Variants in PPP2R5E observed in about 807,000 individuals in gnomAD.
The protein encoded by PPP2R5E is protein phosphatase 2 regulatory subunit B'epsilon.
A neutral mutation model predicts 65.3 loss-of-function variants in PPP2R5E; 4 were observed. The ratio of observed to expected loss-of-function variants is 0.06; its 90% CI spans 0.03 to 0.14. The LOEUF (loss-of-function observed/expected upper bound fraction) is 0.14, where lower values mean the gene tolerates loss of function less well. Among genes scored for constraint, PPP2R5E ranks in the 10% least tolerant of loss-of-function variants. The probability of loss-of-function intolerance (pLI) is 1.00; values close to 1 mark genes in which losing one functional copy is unlikely to be tolerated. For synonymous variants in PPP2R5E, 183 were observed against 187.4 expected (o/e 0.98, Z 0.19); for missense variants, 274 against 556.1 (o/e 0.49, Z 5.10).
rs1410684361 is a variant in PPP2R5E, at chr14:63,415,249, ATAAT to A, written c.457-21_457-18del. ...ATATACAAGCTGCAACAAACAGATT[ATAAT>A]TAATTTCAAATTATGACTCACTGAG... On this transcript the variant is annotated intron_variant, in intron 4 of 13. Coordinates refer to ENST00000337537, the MANE Select transcript of PPP2R5E (RefSeq NM_006246.5). The A allele has an allele frequency of 1.9e-6, 3 of 1,550,200 alleles. No homozygotes were observed. In the East Asian group the frequency reaches 6.8e-5, roughly 35 times the overall value.
At chr14:63,461,764 C>T (rs886236573) in intron 2 of PPP2R5E, among the ~76,000 whole-genome samples, 16 of 151,978 alleles carry the variant, frequency 1.1e-4, no homozygotes, top group African/African-American at 3.6e-4. Context: ...TACTGTACTC[C>T]ACCCTAGATA....
chr14:63,469,272 C>CA, intron 2 of PPP2R5E, among the ~76,000 whole-genome samples: 1 of 151,620 alleles, frequency 6.6e-6, no homozygotes, highest in African/African-American at 2.4e-5. Flanking sequence ...TTTTACATTA[C>CA]AAAAAAAGGT....
Position 63,373,196 on chromosome 14 carries a change from C to T in PPP2R5E, c.*2813G>A, listed in dbSNP as rs1436051968. 6.6e-6 allele frequency: 1 copy of T among 152,142 alleles called. No homozygotes were observed. The highest frequency in any genetic ancestry group is 2.4e-5 in the African/African-American group (1 of 41,428). The allele number at this position is 152,142 out of a possible 1,614,324, so 9.4% of individuals were successfully genotyped here. On this transcript the variant is annotated 3_prime_UTR_variant, in exon 14 of 14. Coordinates refer to ENST00000337537, the MANE Select transcript of PPP2R5E (RefSeq NM_006246.5). ...GACACTCTTAATCCTATCCCTGAAA[C>T]CAATATGGTAAGGATAAGGTTGGAG...
intron 11 of PPP2R5E, among the ~76,000 whole-genome samples, chr14:63,384,919 C>T (rs1304264832): frequency 6.6e-6 from 1 of 152,116 alleles, no homozygotes; most frequent in Admixed American, 6.5e-5. Context: ...TGGTCTCGAT[C>T]TCCTGACCTC....
At chr14:63,531,892 G>A (rs1277702271) in intron 2 of PPP2R5E, among the ~76,000 whole-genome samples, 1 of 151,842 alleles carries the variant, frequency 6.6e-6, no homozygotes, top group African/African-American at 2.4e-5. Flanking sequence ...GGCAGAGGTT[G>A]CACTGAGCCG....
At position 63,475,869 on chromosome 14, in the gene PPP2R5E, C is replaced by T. The variant is rs979049007; in HGVS notation, c.158-21984G>A. ...AAATATTCAGGCCCTATAATTTTAA[C>T]CCACAGGAAAGCCAAGCTAAAATGA... On this transcript the variant is annotated intron_variant, in intron 2 of 13. Coordinates refer to ENST00000337537, the MANE Select transcript of PPP2R5E (RefSeq NM_006246.5). Among the ~76,000 whole-genome samples, 32 of 152,080 alleles carry T rather than the reference C, an allele frequency of 2.1e-4. 2 individuals carry two copies. Among genetic ancestry groups the T allele is most frequent in the Non-Finnish European group, 1.0e-4 (7 of 68,018 alleles).
chr14:63,494,576 A>T (rs1424212386), intron 2 of PPP2R5E, among the ~76,000 whole-genome samples: 1 of 151,890 alleles, frequency 6.6e-6, no homozygotes, highest in Non-Finnish European at 1.5e-5. Context: ...CCAAAAAAAA[A>T]TGACAAACTT....
chr14:63,508,196 C>A (rs144399647), intron 2 of PPP2R5E: 15,437 of 985,528 alleles, frequency 0.016, 166 homozygotes, highest in Middle Eastern at 0.083. Context: ...CCTCCTCGCA[C>A]ACCTCACACA....
chr14:63,532,140 G>A (rs1893462896), intron 2 of PPP2R5E, among the ~76,000 whole-genome samples: 1 of 151,994 alleles, frequency 6.6e-6, no homozygotes, highest in Non-Finnish European at 1.5e-5. Flanking sequence ...ATAATTTTAG[G>A]CTGCTCATTG....
chr14:63,421,438 T>C (rs1164670358), intron 4 of PPP2R5E, among the ~76,000 whole-genome samples: 1 of 152,208 alleles, frequency 6.6e-6, no homozygotes, highest in Non-Finnish European at 1.5e-5. Context: ...ATAAGTGTGA[T>C]TGGAAAACAT....
intron 2 of PPP2R5E, among the ~76,000 whole-genome samples, chr14:63,502,523 C>G (rs1453380298): frequency 6.6e-6 from 1 of 151,860 alleles, no homozygotes; most frequent in Non-Finnish European, 1.5e-5. Flanking sequence ...AAAAATTAGC[C>G]AGGCATGGTG....
intron 10 of PPP2R5E, among the ~76,000 whole-genome samples, chr14:63,390,915 A>G (rs1884981835): frequency 6.6e-6 from 1 of 152,210 alleles, no homozygotes; most frequent in South Asian, 2.1e-4. Flanking sequence ...ACAACCTCAC[A>G]AAGTAGCACA....
intron 2 of PPP2R5E, among the ~76,000 whole-genome samples, chr14:63,512,339 T>C (rs1443120747): frequency 6.6e-6 from 1 of 152,116 alleles, no homozygotes; most frequent in Non-Finnish European, 1.5e-5. Flanking sequence ...TAGAGATAGA[T>C]GATGGGTGGA....
intron 5 of PPP2R5E, among the ~76,000 whole-genome samples, chr14:63,397,491 G>T (rs1254571876): frequency 4.3e-5 from 4 of 93,686 alleles, no homozygotes; most frequent in East Asian, 3.8e-4. Context: ...CATAGAGCAA[G>T]ATTCGGTCTT....
intron 4 of PPP2R5E, among the ~76,000 whole-genome samples, chr14:63,416,741 A>C (rs1476670780): frequency 6.6e-6 from 1 of 152,120 alleles, no homozygotes; most frequent in African/African-American, 2.4e-5. Flanking sequence ...TTACTTTCCA[A>C]AAGAATTGAG....
chr14:63,463,931 T>G (rs542356103), intron 2 of PPP2R5E, among the ~76,000 whole-genome samples: 2 of 152,274 alleles, frequency 1.3e-5, no homozygotes, highest in Admixed American at 6.5e-5. Flanking sequence ...ATGGTTTATA[T>G]TCAAGGATAA....
chr14:63,496,420 G>A (rs1215462574), intron 2 of PPP2R5E, among the ~76,000 whole-genome samples: 1 of 144,738 alleles, frequency 6.9e-6, no homozygotes, highest in African/African-American at 2.8e-5. Flanking sequence ...CTCCAGCCCA[G>A]GCAACAGAGT....
chr14:63,376,238 C>A, intron 13 of PPP2R5E, 130 bp from the exon 14 acceptor site: 1 of 616,124 alleles, frequency 1.6e-6, no homozygotes, highest in Non-Finnish European at 2.7e-6. Context: ...TTTAAAATTA[C>A]TAAGAAACAA....
At chr14:63,531,902 G>A (rs1187369943) in intron 2 of PPP2R5E, among the ~76,000 whole-genome samples, 5 of 151,534 alleles carry the variant, frequency 3.3e-5, no homozygotes, top group South Asian at 2.1e-4. Flanking sequence ...GCACTGAGCC[G>A]AGATGGGGCC....
Sources: gnomAD v4.1 joint callset for allele counts (sites outside exome capture counted in the v4.1 genomes callset) on GRCh38, gnomAD v4.1.1 for gene constraint, MANE v1.5 for transcripts, NCBI Gene and HGNC (gene_info 2026-07-23, HGNC 2026-07-21) for gene names.